SEMA6D: variants seen among roughly 807,000 people sequenced by gnomAD.
SEMA6D encodes the protein semaphorin 6D, also known as semaphorin-6D.
A neutral mutation model predicts 106.6 loss-of-function variants in SEMA6D; 35 were observed. The observed-to-expected ratio is 0.33, with a 90% CI of 0.25 to 0.44. The LOEUF (loss-of-function observed/expected upper bound fraction) is 0.44. SEMA6D is among the 20% of genes least tolerant of loss of function. The pLI, the probability that SEMA6D is intolerant of heterozygous loss-of-function variation, is 1.00. For synonymous variants in SEMA6D, 499 were observed against 487.7 expected (o/e 1.02, Z -0.31); for missense variants, 1,185 against 1,345.9 (o/e 0.88, Z 1.87).
chr15:47,637,851 A>G (rs1216171009), intron 4 of SEMA6D, among the ~76,000 whole-genome samples: 1 of 152,176 alleles, frequency 6.6e-6, no homozygotes, highest in East Asian at 1.9e-4. Context: ...ACATGTTCCA[A>G]CAAAGTTAAG....
intron 4 of SEMA6D, among the ~76,000 whole-genome samples, chr15:47,658,703 T>A (rs2077854764): frequency 6.6e-6 from 1 of 152,168 alleles, no homozygotes; most frequent in African/African-American, 2.4e-5. Context: ...CAATTGTTCA[T>A]CACATTAGTT....
intron 3 of SEMA6D, among the ~76,000 whole-genome samples, chr15:47,536,762 A>G (rs947816361): frequency 6.6e-6 from 1 of 152,224 alleles, no homozygotes; most frequent in Admixed American, 6.5e-5. Context: ...ACTAAAATCC[A>G]TAATTCCCAA....
chr15:47,704,654 T>TGAGCCATG (rs2078878254), intron 4 of SEMA6D, among the ~76,000 whole-genome samples: 1 of 151,978 alleles, frequency 6.6e-6, no homozygotes, highest in Admixed American at 6.6e-5. Context: ...AATGCTGCAG[T>TGAGCCATG]GAGCCATGGA....
intron 4 of SEMA6D, among the ~76,000 whole-genome samples, chr15:47,711,740 G>A (rs2079028041): frequency 6.6e-6 from 1 of 152,152 alleles, no homozygotes; most frequent in Admixed American, 6.5e-5. Context: ...GTCCATAATA[G>A]TAAACATCCT....
intron 1 of SEMA6D, among the ~76,000 whole-genome samples, chr15:47,719,757 A>G (rs898241879): frequency 1.3e-5 from 2 of 152,216 alleles, no homozygotes; most frequent in African/African-American, 4.8e-5. Context: ...GCTTAAAAAC[A>G]GTAGCTTTTG....
intron 1 of SEMA6D, among the ~76,000 whole-genome samples, chr15:47,293,128 G>A (rs1387993971): frequency 6.6e-6 from 1 of 152,152 alleles, no homozygotes; most frequent in African/African-American, 2.4e-5. Flanking sequence ...GTTCAAAGCC[G>A]AATTTGAGCA....
chr15:47,678,720 T>C (rs923531765), intron 4 of SEMA6D, among the ~76,000 whole-genome samples: 1 of 152,164 alleles, frequency 6.6e-6, no homozygotes, highest in African/African-American at 2.4e-5. Context: ...AAGATTTATT[T>C]AGTCCTTTCT....
At chr15:47,733,516 T>C (rs2080263835) in intron 1 of SEMA6D, among the ~76,000 whole-genome samples, 1 of 152,212 alleles carries the variant, frequency 6.6e-6, no homozygotes, top group Non-Finnish European at 1.5e-5. Flanking sequence ...AATACGAGTC[T>C]TGTTCCTTAA....
chr15:47,343,248 T>TTTTTTATTATTA (rs1555425174), intron 1 of SEMA6D, among the ~76,000 whole-genome samples: 2 of 146,148 alleles, frequency 1.4e-5, no homozygotes, highest in Admixed American at 6.8e-5. Flanking sequence ...TAGTTGGATT[T>TTTTTTATTATTA]TTATTATTAT....
chr15:47,519,449 C>G (rs973395172), intron 3 of SEMA6D, among the ~76,000 whole-genome samples: 8 of 152,130 alleles, frequency 5.3e-5, no homozygotes, highest in Admixed American at 5.2e-4. Flanking sequence ...ATTGTTTATA[C>G]AGATGACAAT....
chr15:47,503,901 A>T (rs1399729833), intron 3 of SEMA6D, among the ~76,000 whole-genome samples: 1 of 152,206 alleles, frequency 6.6e-6, no homozygotes, highest in African/African-American at 2.4e-5. Context: ...CTTTGTGTTT[A>T]CTGCCACTTA....
In SEMA6D at chr15:47,771,201, A is replaced by G; in HGVS notation, c.2638A>G (p.Asn880Asp). Reference sequence around the variant, plus strand: ...TTCTGTTGATTCCAGAAATACCCTCAATGATCTCCTGAAGCATCTGAATGA... The same window carrying G: ...TTCTGTTGATTCCAGAAATACCCTCGATGATCTCCTGAAGCATCTGAATGA... ...RRSVDSRNTL[N>D]DLLKHLNDPN... The change falls in exon 19 of 19, where the codon AAT becomes GAT. Residue 880 changes from asparagine to aspartate, a missense_variant. This residue lies in a region of SEMA6D where 750 missense variants were observed against 783.5 expected (regional missense o/e 0.96). Transcript: ENST00000536845. The G allele has an allele frequency of 6.2e-7, 1 of 1,614,048 alleles. No homozygotes were observed. Among genetic ancestry groups the G allele is most frequent in the Non-Finnish European group, 8.5e-7 (1 of 1,179,986 alleles).
chr15:47,605,250 A>T (rs1330184399), intron 4 of SEMA6D: 1 of 152,030 alleles, frequency 6.6e-6, no homozygotes, highest in Non-Finnish European at 1.5e-5. Flanking sequence ...TCTGCTTCTC[A>T]TTATCTATTA....
chr15:47,425,373 C>T (rs2041296737), intron 2 of SEMA6D, among the ~76,000 whole-genome samples: 1 of 151,868 alleles, frequency 6.6e-6, no homozygotes, highest in African/African-American at 2.4e-5. Context: ...GCCTCTAAGA[C>T]CTTTTAATTA....
At chr15:47,256,583 A>G (rs1040631596) in intron 1 of SEMA6D, among the ~76,000 whole-genome samples, 1 of 152,182 alleles carries the variant, frequency 6.6e-6, no homozygotes, top group African/African-American at 2.4e-5. Context: ...ATTCTAGGCC[A>G]GGTGTGGTGG....
chr15:47,610,759 C>T (rs182968052), intron 4 of SEMA6D, among the ~76,000 whole-genome samples: 15 of 152,270 alleles, frequency 9.9e-5, no homozygotes, highest in East Asian at 5.8e-4. Flanking sequence ...CCAGCACTTA[C>T]GTGTTTTTCC....
chr15:47,696,734 A>T (rs1469746242), intron 4 of SEMA6D, among the ~76,000 whole-genome samples: 1 of 152,188 alleles, frequency 6.6e-6, no homozygotes, highest in African/African-American at 2.4e-5. Flanking sequence ...CCTAAATCAC[A>T]CAGGCAGTGA....
chr15:47,384,693 T>C (rs1430152401), intron 1 of SEMA6D, among the ~76,000 whole-genome samples: 1 of 152,016 alleles, frequency 6.6e-6, no homozygotes, highest in African/African-American at 2.4e-5. Context: ...TGCTCTTGAA[T>C]AAGAGGCATG....
intron 1 of SEMA6D, among the ~76,000 whole-genome samples, chr15:47,383,767 C>T (rs1189652098): frequency 6.6e-6 from 1 of 152,292 alleles, no homozygotes; most frequent in East Asian, 1.9e-4. Context: ...CCCAGATTGA[C>T]ATATCAAGGA....
Sources: gnomAD v4.1 joint callset for allele counts (sites outside exome capture counted in the v4.1 genomes callset) on GRCh38, gnomAD v4.1.1 for gene constraint, gnomAD v4.1.1 regional missense constraint, MANE v1.5 for transcripts, NCBI Gene and HGNC (gene_info 2026-07-23, HGNC 2026-07-21) for gene names.